STIM1: variants seen among roughly 807,000 people sequenced by gnomAD.
STIM1 encodes stromal interaction molecule 1.
Under a neutral mutation model 74.7 loss-of-function variants are expected in STIM1, and 25 were observed. The ratio of observed to expected loss-of-function variants is 0.33; its 90% CI spans 0.24 to 0.47. STIM1 has a LOEUF of 0.47. STIM1 is among the 20% of genes least tolerant of loss of function. STIM1 has a pLI of 1.00. For missense variants in STIM1, 728 were observed against 920.8 expected, an observed-to-expected ratio of 0.79 and a Z score of 2.71; for synonymous variants, 328 against 348.8, an observed-to-expected ratio of 0.94 and a Z score of 0.66.
intron 2 of STIM1, among the ~76,000 whole-genome samples, chr11:3,996,714 GCCTTTA>G (rs1175136498): frequency 1.3e-5 from 2 of 152,156 alleles, no homozygotes; most frequent in Non-Finnish European, 2.9e-5. Flanking sequence ...TTGGCTGTGT[GCCTTTA>G]AGACCATTTC....
intron 1 of STIM1, among the ~76,000 whole-genome samples, chr11:3,870,628 C>G (rs1216420674): frequency 3.3e-5 from 5 of 152,208 alleles, no homozygotes; most frequent in Non-Finnish European, 7.4e-5. Context: ...CAACAAGTAG[C>G]TGGTACTACA....
At chr11:4,007,945 A>C (rs1329422737) in intron 2 of STIM1, among the ~76,000 whole-genome samples, 1 of 151,940 alleles carries the variant, frequency 6.6e-6, no homozygotes, top group Non-Finnish European at 1.5e-5. Context: ...GGGGATTGAG[A>C]CCTCCATAGC....
chr11:3,871,892 G>A (rs1469357991), intron 1 of STIM1, among the ~76,000 whole-genome samples: 1 of 152,080 alleles, frequency 6.6e-6, no homozygotes, highest in Non-Finnish European at 1.5e-5. Flanking sequence ...TAATGTGATA[G>A]GCATTTATTC....
chr11:3,892,048 ATGTT>A (rs1171283450), intron 1 of STIM1, among the ~76,000 whole-genome samples: 21 of 152,364 alleles, frequency 1.4e-4, no homozygotes, highest in Admixed American at 2.6e-4. Context: ...AATTTGGTAA[ATGTT>A]TGTTGAATTG....
chr11:4,023,466 C>A (rs528151817), intron 2 of STIM1, among the ~76,000 whole-genome samples: 1 of 152,064 alleles, frequency 6.6e-6, no homozygotes, highest in Non-Finnish European at 1.5e-5. Flanking sequence ...TGTGATAATT[C>A]ATTGGTTGTG....
intron 2 of STIM1, among the ~76,000 whole-genome samples, chr11:3,985,407 G>C (rs2093549286): frequency 6.6e-6 from 1 of 152,112 alleles, no homozygotes; most frequent in Non-Finnish European, 1.5e-5. Flanking sequence ...TCTGCATTTA[G>C]ATGTGTCTGT....
chr11:4,068,234 G>A (rs1333898735), intron 5 of STIM1, among the ~76,000 whole-genome samples: 1 of 152,100 alleles, frequency 6.6e-6, no homozygotes, highest in Admixed American at 6.6e-5. Context: ...TAATAGATCT[G>A]GTTCCAAATT....
intron 1 of STIM1, among the ~76,000 whole-genome samples, chr11:3,949,241 A>G (rs2093116357): frequency 6.6e-6 from 1 of 152,176 alleles, no homozygotes; most frequent in Admixed American, 6.5e-5. Flanking sequence ...CCTGAGTATG[A>G]ATTAGTCAGG....
rs2092946606 is a variant in STIM1 at position 3,937,321 on chromosome 11, A to ATAATAATAGAC, written c.140-30229_140-30228insATAATAGACTA. 2.0e-5 allele frequency among the ~76,000 whole-genome samples: 3 copies of ATAATAATAGAC among 151,176 alleles called. No individual in the cohort carries two copies. The South Asian group carries it at 6.3e-4, about 32-fold the overall frequency. ...TAATAATAATAATAATAATAATAAA[A>ATAATAATAGAC]TATCTGGAATGAGTGTGAAATTATC... On this transcript the variant is annotated intron_variant, in intron 1 of 12. Transcript: ENST00000526596.
chr11:4,036,549 T>TGAGATG (rs992791367), intron 3 of STIM1, among the ~76,000 whole-genome samples: 1 of 152,252 alleles, frequency 6.6e-6, no homozygotes, highest in African/African-American at 2.4e-5. Context: ...ATTGCCATTC[T>TGAGATG]GACTGGTATG....
intron 3 of STIM1, among the ~76,000 whole-genome samples, chr11:4,038,162 G>A (rs1007189619): frequency 6.6e-6 from 1 of 151,724 alleles, no homozygotes; most frequent in Non-Finnish European, 1.5e-5. Context: ...AGCCTCCTGA[G>A]TAGCTGGAAT....
chr11:3,928,510 A>G (rs111259726), intron 1 of STIM1, among the ~76,000 whole-genome samples: 6 of 151,954 alleles, frequency 3.9e-5, no homozygotes, highest in South Asian at 2.1e-4. Context: ...TACAGATGTG[A>G]GCCACAACGC....
rs140403219 is a variant in STIM1 at position 3,890,006 on chromosome 11, C to A, written c.139+33597C>A. Among the ~76,000 whole-genome samples the A allele has an allele frequency of 1.2e-4, 19 of 152,282 alleles. No individual in the cohort carries two copies. In the East Asian group the frequency reaches 3.5e-3, roughly 28 times the overall value. ...CTCTGAGACTTCAACTCTTGTCCTT[C>A]TTTCCATACCTGTAGCTCCTCATTG... On this transcript the variant is annotated intron_variant, in intron 1 of 12. Transcript: ENST00000526596.
intron 2 of STIM1, among the ~76,000 whole-genome samples, chr11:4,004,803 G>T (rs2093760204): frequency 1.3e-5 from 2 of 152,084 alleles, no homozygotes; most frequent in African/African-American, 2.4e-5. Context: ...ACAGGCAACT[G>T]ACAAAATGGG....
chr11:4,091,582 C>T lies in STIM1; in HGVS notation c.1935C>T (p.Ser645=), dbSNP rs766224297. Residue 645 remains serine, a synonymous_variant, in exon 13 of 13, where the codon TCC becomes TCT. Coordinates refer to ENST00000526596, the MANE Select transcript of STIM1 (RefSeq NM_001382567.1). ...GTGGCTCTCCACATTTGGATTCTTC[C>T]CGTTCTCACAGCCCCAGCTCCCCAG... ...PPGGSPHLDS[S]RSHSPSSPDP... is the part of the protein sequence containing the mutation. The T allele has an allele frequency of 1.9e-5, 30 of 1,614,090 alleles. No homozygotes were observed. Among genetic ancestry groups the T allele is most frequent in the Admixed American group, 1.0e-4 (6 of 60,006 alleles).
chr11:4,035,306 T>C (rs2094089678), intron 3 of STIM1, among the ~76,000 whole-genome samples: 1 of 151,582 alleles, frequency 6.6e-6, no homozygotes. Context: ...GATTTATTAG[T>C]AGCGCAGACG....
At chr11:4,044,083 G>A (rs895532138) in intron 3 of STIM1, among the ~76,000 whole-genome samples, 2 of 152,140 alleles carry the variant, frequency 1.3e-5, no homozygotes, top group African/African-American at 4.8e-5. Context: ...GGTTTGTTGT[G>A]TAGAACTCCA....
At position 4,064,649 on chromosome 11, in the gene STIM1, C is replaced by T. The variant is rs553738188; in HGVS notation, c.613+5253C>T. The stretch of plus-strand genomic sequence containing the variant: ...AGAGGGTCTGCTGAGGGAACAGGTG[C>T]CATCTGTCCACAGCAGCCTCAGAAC... On this transcript the variant is annotated intron_variant, in intron 5 of 12. Transcript: ENST00000526596. Among the ~76,000 whole-genome samples, 113 of 152,274 alleles carry T rather than the reference C, an allele frequency of 7.4e-4. 1 individual carries two copies. Among genetic ancestry groups the T allele is most frequent in the African/African-American group, 2.7e-3 (111 of 41,556 alleles).
chr11:4,061,122 G>T (rs2094327652), intron 5 of STIM1, among the ~76,000 whole-genome samples: 1 of 152,194 alleles, frequency 6.6e-6, no homozygotes, highest in African/African-American at 2.4e-5. Flanking sequence ...AGCTTTATCT[G>T]TATCAAAATC....
Sources: allele counts gnomAD v4.1 joint callset (sites outside exome capture counted in the v4.1 genomes callset), GRCh38; gene constraint gnomAD v4.1.1; transcripts MANE v1.5; gene names NCBI Gene and HGNC (gene_info 2026-07-23, HGNC 2026-07-21).